PATL2: variants seen among roughly 807,000 people sequenced by gnomAD.
The protein encoded by PATL2 is PAT1 homolog 2.
A neutral mutation model predicts 77.0 loss-of-function variants in PATL2; 73 were observed. That is an observed-to-expected ratio of 0.95 (90% confidence interval 0.78 to 1.15). The LOEUF is 1.15. Ranked by LOEUF, PATL2 falls within the 50% of genes most tolerant of loss-of-function variation. PATL2 has a pLI of 0.00. For synonymous variants in PATL2, 265 were observed against 257.1 expected (o/e 1.03, Z -0.29); for missense variants, 618 against 655.4 (o/e 0.94, Z 0.62).
chr15:44,690,790 T>C (rs2086373778), intron 3 of PATL2, among the ~76,000 whole-genome samples: 1 of 152,190 alleles, frequency 6.6e-6, no homozygotes, highest in Non-Finnish European at 1.5e-5. Context: ...TCTTCACAAC[T>C]GCTTGTTATC....
In PATL2 at chr15:44,675,566, G is replaced by C; in HGVS notation, c.142C>G (p.Pro48Ala). The C allele has an allele frequency of 6.4e-7, 1 of 1,551,876 alleles. No homozygotes were observed. Among genetic ancestry groups the C allele is most frequent in the East Asian group, 2.4e-5 (1 of 40,908 alleles). The change falls in exon 5 of 18, where the codon CCA (proline) becomes GCA (alanine). Residue 48 changes from proline to alanine, a missense_variant. Pro to Ala is a conservative substitution (Grantham distance 27). Transcript: ENST00000682850. ...EEEEDEEDLD[P>A]DLDPDLEEEE... ...TCCTCTAGGTCTGGGTCCAGATCTG[G>C]GTCCAGATCCTCCTCGTCCTCCTCC...
intron 3 of PATL2, among the ~76,000 whole-genome samples, chr15:44,703,679 T>TA (rs2086674416): frequency 6.6e-6 from 1 of 150,586 alleles, no homozygotes; most frequent in Non-Finnish European, 1.5e-5. Flanking sequence ...TGTGTCTTTA[T>TA]GGGTGAAGTG....
At chr15:44,700,337 T>C (rs911161400) in intron 3 of PATL2, among the ~76,000 whole-genome samples, 2 of 152,192 alleles carry the variant, frequency 1.3e-5, no homozygotes, top group Admixed American at 1.3e-4. Flanking sequence ...AGCCTCACTT[T>C]GTCACCTAGG....
chr15:44,709,106 C>T (rs928387795), intron 3 of PATL2, among the ~76,000 whole-genome samples: 5 of 151,988 alleles, frequency 3.3e-5, no homozygotes, highest in African/African-American at 9.7e-5. Context: ...ACCATGTTGG[C>T]CAGGCTGGTC....
At position 44,673,310 on chromosome 15, in the gene PATL2, T is replaced by G. The variant is rs1402060044; in HGVS notation, c.371A>C (p.His124Pro). The change falls in exon 7 of 18, where the codon CAC (histidine) becomes CCC (proline). Residue 124 changes from histidine to proline, a missense_variant. Physicochemically the swap from His to Pro is moderately conservative, Grantham distance 77 (BLOSUM62 -2). Coordinates refer to ENST00000682850, the MANE Select transcript of PATL2 (RefSeq NM_001387263.1). ...TGGTGAGGGCAGCCGAGGTCCAAAG[T>G]GCTGTGCTGGAGAGCTGGTGCTGGG... Reference protein sequence around the residue: ...TFPSTSSPAQHFGPRLPSPDP... With the variant: ...TFPSTSSPAQPFGPRLPSPDP... 11 of 1,551,448 alleles carry G rather than the reference T, an allele frequency of 7.1e-6. No individual in the cohort carries two copies.
chr15:44,697,466 A>G (rs1378277626), intron 3 of PATL2: 2 of 152,154 alleles, frequency 1.3e-5, no homozygotes, highest in Non-Finnish European at 2.9e-5. Flanking sequence ...GTATGTTCCA[A>G]TTTTCCATCA....
chr15:44,667,811 C>T (rs1422004396), intron 15 of PATL2, among the ~76,000 whole-genome samples: 10 of 151,946 alleles, frequency 6.6e-5, no homozygotes, highest in Non-Finnish European at 7.4e-5. Flanking sequence ...GGTGTGTTGG[C>T]GAACACTTGT....
chr15:44,687,029 A>T (rs1398648660), intron 3 of PATL2, among the ~76,000 whole-genome samples: 1 of 152,244 alleles, frequency 6.6e-6, no homozygotes, highest in Non-Finnish European at 1.5e-5. Context: ...ATAGAAAAAG[A>T]GGTAATCCTC....
intron 15 of PATL2, 117 bp downstream of exon 15, chr15:44,668,225 G>C (rs1432084563): frequency 8.1e-7 from 1 of 1,233,784 alleles, no homozygotes; most frequent in African/African-American, 1.5e-5. Flanking sequence ...ACTAGAAATA[G>C]AGAAGCACTG....
intron 14 of PATL2, 43 bp from the exon 15 acceptor site, chr15:44,668,525 T>C (rs933672128): frequency 1.9e-6 from 3 of 1,540,132 alleles, no homozygotes; most frequent in Non-Finnish European, 2.6e-6. Flanking sequence ...CCACTACAAC[T>C]TCACCTCCCC....
At chr15:44,688,100 G>A (rs1372560729) in intron 3 of PATL2, among the ~76,000 whole-genome samples, 2 of 151,944 alleles carry the variant, frequency 1.3e-5, no homozygotes, top group East Asian at 3.9e-4. Context: ...CAAAAAATTA[G>A]CCAGGTGTGG....
chr15:44,680,212 G>A (rs1372407751), intron 3 of PATL2, among the ~76,000 whole-genome samples: 3 of 152,134 alleles, frequency 2.0e-5, no homozygotes, highest in Non-Finnish European at 4.4e-5. Context: ...CCACTTGAAT[G>A]TGCCATCTGC....
In PATL2 at chr15:44,670,126, C is replaced by T. The variant is rs1044059182; in HGVS notation, c.658-39G>A. The stretch of plus-strand genomic sequence containing the variant: ...GAATAGGAAACAAAAAAACAAAACA[C>T]CTTATATTCATCTTTTGAATTTAGA... On this transcript the variant is annotated intron_variant, in intron 9 of 17. Transcript: ENST00000682850. 10 of 1,542,154 alleles carry T rather than the reference C, an allele frequency of 6.5e-6. No homozygotes were observed. The Admixed American group carries it at 1.5e-4, about 23-fold the overall frequency.
intron 3 of PATL2, among the ~76,000 whole-genome samples, chr15:44,689,842 C>T (rs1415266484): frequency 1.3e-5 from 2 of 152,016 alleles, no homozygotes; most frequent in African/African-American, 4.8e-5. Flanking sequence ...CACATGTACC[C>T]CAGAACTTAA....
rs529675402 is a variant in PATL2 at position 44,672,018 on chromosome 15, G to A, written c.654C>T (p.Tyr218=). ...SAKPRLDDYY[Y]QEYYQKLEKK... is the part of the protein sequence containing the mutation. ...GGCTGAGTACTGCGGGGCTCACCTG[G>A]TAATAGTAGTCATCCAGGCGGGGTT... Residue 218 remains tyrosine, a synonymous_variant, in exon 9 of 18, where the codon TAC becomes TAT. Coordinates refer to ENST00000682850, the MANE Select transcript of PATL2 (RefSeq NM_001387263.1). 2 of 1,551,756 alleles carry A rather than the reference G, an allele frequency of 1.3e-6. No individual in the cohort carries two copies. The highest frequency in any genetic ancestry group is 2.0e-5 in the Admixed American group (1 of 51,016).
At chr15:44,672,230 G>C (rs538365861) in intron 8 of PATL2, 74 bp from the exon 9 acceptor site, 1 of 1,548,918 alleles carries the variant, frequency 6.5e-7, no homozygotes, top group African/African-American at 1.4e-5. Context: ...TGAGCAGGAA[G>C]TGGGGCTCTC....
chr15:44,686,141 T>A (rs2086251215), intron 3 of PATL2, among the ~76,000 whole-genome samples: 1 of 152,172 alleles, frequency 6.6e-6, no homozygotes, highest in African/African-American at 2.4e-5. Context: ...GTTCTAAAAT[T>A]GACCACATAA....
intron 3 of PATL2, among the ~76,000 whole-genome samples, chr15:44,678,117 G>T (rs780167964): frequency 2.6e-5 from 4 of 152,128 alleles, no homozygotes; most frequent in African/African-American, 7.2e-5. Flanking sequence ...CTCCCAAAGG[G>T]CTGGGATTAC....
At chr15:44,685,883 T>C (rs1456836723) in intron 3 of PATL2, among the ~76,000 whole-genome samples, 1 of 152,246 alleles carries the variant, frequency 6.6e-6, no homozygotes, top group East Asian at 1.9e-4. Context: ...ATGCACCCAA[T>C]ACAGGAGCAC....
Sources: allele counts gnomAD v4.1 joint callset (sites outside exome capture counted in the v4.1 genomes callset), GRCh38; gene constraint gnomAD v4.1.1; transcripts MANE v1.5; gene names NCBI Gene and HGNC (gene_info 2026-07-23, HGNC 2026-07-21).